PCDH15: variants seen among roughly 807,000 people sequenced by gnomAD.
The protein encoded by PCDH15 is protocadherin-15.
In PCDH15, 129 loss-of-function variants were observed where a neutral mutation model predicts 178.5. That is an observed-to-expected ratio of 0.72 (90% CI 0.63 to 0.84). PCDH15 has a LOEUF of 0.84. Among genes scored for constraint, PCDH15 ranks in the 40% least tolerant of loss-of-function variants. The probability of loss-of-function intolerance (pLI) is 0.00; values close to 1 mark genes in which losing one functional copy is unlikely to be tolerated. For missense variants in PCDH15, 2,230 were observed against 2,099.9 expected, an observed-to-expected ratio of 1.06 and a Z score of -1.21; for synonymous variants, 800 against 732.0, an observed-to-expected ratio of 1.09 and a Z score of -1.50.
intron 3 of PCDH15, among the ~76,000 whole-genome samples, chr10:54,420,039 C>A (rs1409812982): frequency 6.6e-6 from 1 of 151,958 alleles, no homozygotes; most frequent in Non-Finnish European, 1.5e-5. Context: ...GAATTTCACA[C>A]AGAAAAATCA....
chr10:55,531,466 T>G (rs1271654963), intron 2 of PCDH15, among the ~76,000 whole-genome samples: 1 of 152,010 alleles, frequency 6.6e-6, no homozygotes, highest in Non-Finnish European at 1.5e-5. Context: ...GAATACCATC[T>G]TGAAAAATAA....
chr10:54,867,736 C>A (rs955211040), intron 3 of PCDH15, among the ~76,000 whole-genome samples: 3 of 152,130 alleles, frequency 2.0e-5, no homozygotes, highest in African/African-American at 7.2e-5. Flanking sequence ...ACATACTAGA[C>A]TGAAAAACAA....
intron 16 of PCDH15, among the ~76,000 whole-genome samples, chr10:54,088,890 T>C (rs1018744199): frequency 6.6e-6 from 1 of 152,234 alleles, no homozygotes; most frequent in Admixed American, 6.5e-5. Context: ...GGTGCTTATA[T>C]ATCTATCTTT....
chr10:54,685,734 C>G (rs554974579), intron 1 of PCDH15, among the ~76,000 whole-genome samples: 2 of 152,270 alleles, frequency 1.3e-5, no homozygotes, highest in African/African-American at 4.8e-5. Context: ...GCTTAGCCTA[C>G]CTTAACCATG....
At chr10:54,415,702 A>G (rs11004288) in intron 3 of PCDH15, among the ~76,000 whole-genome samples, 71,816 of 151,872 alleles carry the variant, frequency 0.47, 17,739 homozygotes, top group Non-Finnish European at 0.53. Flanking sequence ...GCCACTAGGG[A>G]TGATATAAAG....
intron 26 of PCDH15, among the ~76,000 whole-genome samples, chr10:53,896,779 G>T (rs561612837): frequency 6.6e-6 from 1 of 152,048 alleles, no homozygotes; most frequent in African/African-American, 2.4e-5. Context: ...CGTGACCTGC[G>T]CATGAAAGGG....
intron 6 of PCDH15, among the ~76,000 whole-genome samples, chr10:54,342,170 G>A (rs1942356365): frequency 6.6e-6 from 1 of 152,132 alleles, no homozygotes; most frequent in Non-Finnish European, 1.5e-5. Flanking sequence ...AAGACAATGG[G>A]AAAAATGCCT....
chr10:55,330,324 T>A (rs1588920340), intron 2 of PCDH15, among the ~76,000 whole-genome samples: 1 of 151,788 alleles, frequency 6.6e-6, no homozygotes, highest in East Asian at 1.9e-4. Context: ...ATAAAAGGCA[T>A]CACTGATGAA....
chr10:53,823,114 T>TTGATACTTGACTTATGTTTTCCTTA (rs752945183), intron 32 of PCDH15: 12 of 1,613,898 alleles, frequency 7.4e-6, no homozygotes, highest in Non-Finnish European at 1.7e-6. Flanking sequence ...TCTGAATTTG[T>TTGATACTTGACTTATGTTTTCCTTA]TGATACTTGA....
At chr10:54,283,030 T>C (rs1337348312) in intron 8 of PCDH15, among the ~76,000 whole-genome samples, 1 of 152,080 alleles carries the variant, frequency 6.6e-6, no homozygotes, top group African/African-American at 2.4e-5. Flanking sequence ...AGAGTAGGGA[T>C]ATATAGAAAA....
At chr10:55,608,214 T>C (rs1843276842) in intron 2 of PCDH15, among the ~76,000 whole-genome samples, 1 of 141,288 alleles carries the variant, frequency 7.1e-6, no homozygotes, top group Admixed American at 7.3e-5. Context: ...TAAAACAATA[T>C]AGACACTCCA....
chr10:54,428,376 T>C (rs1271699386), intron 3 of PCDH15, among the ~76,000 whole-genome samples: 1 of 152,212 alleles, frequency 6.6e-6, no homozygotes, highest in Non-Finnish European at 1.5e-5. Context: ...CATGCCCAGT[T>C]GAATTTACAT....
intron 2 of PCDH15, among the ~76,000 whole-genome samples, chr10:55,102,037 C>T (rs1842586836): frequency 1.3e-5 from 2 of 151,746 alleles, no homozygotes; most frequent in Non-Finnish European, 2.9e-5. Context: ...TTTCAACTTC[C>T]TTATATTTTT....
chr10:53,916,065 T>A (rs2083501385), intron 25 of PCDH15, among the ~76,000 whole-genome samples: 1 of 152,138 alleles, frequency 6.6e-6, no homozygotes, highest in African/African-American at 2.4e-5. Flanking sequence ...ATATCAATCA[T>A]CTCCAGATAA....
chr10:55,196,700 T>C (rs1840101883), intron 1 of PCDH15, among the ~76,000 whole-genome samples: 1 of 152,080 alleles, frequency 6.6e-6, no homozygotes, highest in Admixed American at 6.5e-5. Flanking sequence ...GGCACTTCTC[T>C]AAGCCAGATA....
chr10:53,822,905 A>G lies in PCDH15; in HGVS notation c.4368-2675T>C. 1 of 1,613,990 alleles carries G rather than the reference A, an allele frequency of 6.2e-7. No individual in the cohort carries two copies. The highest frequency in any genetic ancestry group is 8.5e-7 in the Non-Finnish European group (1 of 1,179,982). ...TACAGATTCCAGTGTTTTCATTTTC[A>G]GCTTTCTGCCTGGTGCCTTGCCACT... is the stretch of plus-strand genomic sequence containing the variant. On this transcript the variant is annotated intron_variant, in intron 32 of 37. Transcript: ENST00000644397.
intron 2 of PCDH15, among the ~76,000 whole-genome samples, chr10:55,475,911 A>G (rs1262457182): frequency 6.6e-6 from 1 of 152,036 alleles, no homozygotes; most frequent in African/African-American, 2.4e-5. Flanking sequence ...GCCAGCCCTT[A>G]TTGGAGAACA....
chr10:55,052,038 T>A (rs775123436), intron 2 of PCDH15, among the ~76,000 whole-genome samples: 3 of 151,276 alleles, frequency 2.0e-5, no homozygotes, highest in East Asian at 3.9e-4. Flanking sequence ...AATAAAAATG[T>A]CACAAAGTCA....
At chr10:53,886,648 A>G (rs1053526299) in intron 26 of PCDH15, among the ~76,000 whole-genome samples, 1 of 118,572 alleles carries the variant, frequency 8.4e-6, no homozygotes, top group African/African-American at 3.4e-5. Flanking sequence ...GCCGCATCTT[A>G]CACTCATATC....
Sources: allele counts gnomAD v4.1 joint callset (sites outside exome capture counted in the v4.1 genomes callset), GRCh38; gene constraint gnomAD v4.1.1; transcripts MANE v1.5; gene names NCBI Gene and HGNC (gene_info 2026-07-23, HGNC 2026-07-21).